INO80: variants seen among roughly 807,000 people sequenced by gnomAD.
INO80 encodes the protein chromatin-remodeling ATPase INO80.
INO80 carries 20 observed loss-of-function variants against 203.4 expected under a neutral mutation model. The observed-to-expected ratio is 0.10, with a 90% confidence interval of 0.07 to 0.14. The LOEUF (loss-of-function observed/expected upper bound fraction) is 0.14, where lower values mean the gene tolerates loss of function less well. INO80 is among the 10% of genes least tolerant of loss of function. INO80 has a pLI of 1.00. For synonymous variants in INO80, 726 were observed against 685.2 expected (o/e 1.06, Z -0.93); for missense variants, 1,419 against 1,914.4 (o/e 0.74, Z 4.83).
chr15:41,069,270 G>A (rs1043676018), intron 14 of INO80, among the ~76,000 whole-genome samples: 4 of 150,428 alleles, frequency 2.7e-5, no homozygotes, highest in South Asian at 2.1e-4. Flanking sequence ...CCGTTCAAGC[G>A]ATTCTCCTGC....
At chr15:40,989,827 C>G (rs1273445219) in intron 29 of INO80, among the ~76,000 whole-genome samples, 1 of 152,198 alleles carries the variant, frequency 6.6e-6, no homozygotes, top group African/African-American at 2.4e-5. Flanking sequence ...TCCCTTTAGT[C>G]AGATGGGTCT....
In INO80 at chr15:40,980,141, AC is replaced by A. The variant is rs1479120533; in HGVS notation, c.*81del. ...TCTGACTCAGGATGCAAGATGCTGC[AC>A]GGGGCAAGCCATCCAAAGACCACTG... is the stretch of plus-strand genomic sequence containing the variant. On this transcript the variant is annotated 3_prime_UTR_variant, in exon 36 of 36. Coordinates refer to ENST00000648947, the MANE Select transcript of INO80 (RefSeq NM_017553.3). The A allele has an allele frequency of 3.0e-5, 33 of 1,086,692 alleles. No individual in the cohort carries two copies. In the East Asian group the frequency reaches 6.2e-4, roughly 20 times the overall value. The allele number at this position is 1,086,692 out of a possible 1,614,324, so 67.3% of individuals were successfully genotyped here.
intron 21 of INO80, among the ~76,000 whole-genome samples, chr15:41,048,700 T>TA: frequency 6.6e-6 from 1 of 152,332 alleles, no homozygotes; most frequent in African/African-American, 2.4e-5. Context: ...AGTTTCTCTA[T>TA]AAAACAGCTT....
intron 5 of INO80, among the ~76,000 whole-genome samples, chr15:41,088,919 T>A (rs979063328): frequency 6.6e-6 from 1 of 152,074 alleles, no homozygotes; most frequent in African/African-American, 2.4e-5. Context: ...CTGGGCGCCA[T>A]GGCTCATGCC....
In INO80 at chr15:40,980,932, TCTC is replaced by T. The variant is rs563465686; in HGVS notation, c.4454-495_4454-493del. Among the ~76,000 whole-genome samples the T allele has an allele frequency of 2.7e-3, 413 of 152,240 alleles. 3 individuals are homozygous for T. Among genetic ancestry groups the T allele is most frequent in the South Asian group, 0.013 (64 of 4,822 alleles). ...TATCCTGTGTCTATATTCATACAGTTCTCCTTGCGCTGGCAATGGCCACCCCTG... is the reference window on the plus strand; with the variant it reads ...TATCCTGTGTCTATATTCATACAGTTCTTGCGCTGGCAATGGCCACCCCTG... On this transcript the variant is annotated intron_variant, in intron 35 of 35. Coordinates refer to ENST00000648947, the MANE Select transcript of INO80 (RefSeq NM_017553.3).
intron 14 of INO80, among the ~76,000 whole-genome samples, chr15:41,069,029 G>A (rs2045269034): frequency 6.6e-6 from 1 of 152,164 alleles, no homozygotes. Flanking sequence ...GTGGCAGTTT[G>A]ACCACGAGTA....
At chr15:41,003,336 T>TTTC (rs1184906307) in intron 28 of INO80, among the ~76,000 whole-genome samples, 2 of 119,408 alleles carry the variant, frequency 1.7e-5, no homozygotes, top group Non-Finnish European at 3.5e-5. Context: ...TTTCTTTTCT[T>TTTC]TTTTTTTTTT....
Position 41,089,052 on chromosome 15 carries a change from T to C in INO80, c.538-1370A>G, listed in dbSNP as rs2045598762. ...AAAAATAAAAAAAATTAGCCAGGCA[T>C]GGTGGCAGGCTTCTGTAGTCCCAGC... On this transcript the variant is annotated intron_variant, in intron 5 of 35. Transcript: ENST00000648947. Among the ~76,000 whole-genome samples, 2 of 152,112 alleles carry C rather than the reference T, an allele frequency of 1.3e-5. 1 individual carries two copies. The highest frequency in any genetic ancestry group is 4.1e-4 in the South Asian group (2 of 4,834).
At chr15:40,988,608 G>T (rs944508724) in intron 29 of INO80, among the ~76,000 whole-genome samples, 5 of 151,996 alleles carry the variant, frequency 3.3e-5, no homozygotes, top group African/African-American at 1.2e-4. Context: ...GGTCAGCTGT[G>T]GTGGCTCACA....
chr15:41,092,236 T>C (rs976417714), intron 4 of INO80, 54 bp from the exon 5 acceptor site: 1 of 1,450,698 alleles, frequency 6.9e-7, no homozygotes, highest in Non-Finnish European at 9.4e-7. Context: ...ATCCCATTTA[T>C]AATCCAAGCA....
In INO80 at chr15:41,041,252, C is replaced by T. The variant is rs143464673; in HGVS notation, c.2907+3652G>A. Among the ~76,000 whole-genome samples, 701 of 151,928 alleles carry T rather than the reference C, an allele frequency of 4.6e-3. 3 individuals are homozygous for T. The highest frequency in any genetic ancestry group is 7.1e-3 in the Non-Finnish European group (484 of 67,960). On this transcript the variant is annotated intron_variant, in intron 24 of 35. Coordinates refer to ENST00000648947, the MANE Select transcript of INO80 (RefSeq NM_017553.3). Reference sequence around the variant, plus strand: ...TACAGGTACACGGCATCATGCTTGGCTAATTTTTGTATTTTTCTGGTAGAG... The same window carrying T: ...TACAGGTACACGGCATCATGCTTGGTTAATTTTTGTATTTTTCTGGTAGAG...
At chr15:41,085,251 G>T (rs2045543621) in intron 7 of INO80, 118 bp downstream of exon 7, 2 of 859,212 alleles carry the variant, frequency 2.3e-6, no homozygotes, top group Non-Finnish European at 3.8e-6. Context: ...GATTCCAACA[G>T]ATTAGTTTCT....
Position 41,085,434 on chromosome 15 carries a change from T to C in INO80, c.808A>G (p.Ile270Val). The C allele has an allele frequency of 6.2e-7, 1 of 1,614,238 alleles. No individual in the cohort carries two copies. Among genetic ancestry groups the C allele is most frequent in the Non-Finnish European group, 8.5e-7 (1 of 1,180,046 alleles). The change falls in exon 7 of 36, where the codon ATT (isoleucine) becomes GTT (valine). Residue 270 changes from isoleucine to valine, a missense_variant. Transcript: ENST00000648947. ...PPGTKKKHLS[I>V]EQLNARRRKV... ...CTGCGACGAGCATTCAGCTGCTCAA[T>C]GGATAAGTGCTTTTTCTTAGTGCCA...
intron 21 of INO80, among the ~76,000 whole-genome samples, chr15:41,048,732 T>C (rs532163629): frequency 6.6e-6 from 1 of 152,304 alleles, no homozygotes; most frequent in South Asian, 2.1e-4. Context: ...GGTTCTCAAA[T>C]GTTGATATGC....
rs148070350 is a variant in INO80 at position 40,982,956 on chromosome 15, C to T, written c.4359G>A (p.Thr1453=). 3.9e-5 allele frequency: 63 copies of T among 1,614,066 alleles called. No individual in the cohort carries two copies. Among genetic ancestry groups the T allele is most frequent in the Admixed American group, 1.8e-4 (11 of 60,004 alleles). ...CTGCCATTGCAGCAGCACTGCCTGC[C>T]GTGGACTTTCGGCTCCGGCCCTTCC... ...GAGKGRSRKS[T]AGSAAAMAGA... Residue 1453 remains threonine, a synonymous_variant, in exon 35 of 36, where the codon ACG becomes ACA. Transcript: ENST00000648947.
chr15:41,043,890 G>T (rs2044709349), intron 24 of INO80, among the ~76,000 whole-genome samples: 1 of 152,050 alleles, frequency 6.6e-6, no homozygotes, highest in Non-Finnish European at 1.5e-5. Flanking sequence ...TAAGGGCCAA[G>T]AATTATATGA....
At chr15:41,079,566 A>G (rs902277945) in intron 9 of INO80, 135 bp downstream of exon 9, 2 of 809,384 alleles carry the variant, frequency 2.5e-6, no homozygotes, top group African/African-American at 1.8e-5. Flanking sequence ...GAGAAACCGC[A>G]TCTCTACCAA....
At chr15:41,088,452 C>T (rs910110588) in intron 5 of INO80, among the ~76,000 whole-genome samples, 1 of 152,064 alleles carries the variant, frequency 6.6e-6, no homozygotes, top group South Asian at 2.1e-4. Flanking sequence ...CAAATAGTCA[C>T]CAGTCATCCC....
At chr15:41,055,475 C>T in intron 17 of INO80, 111 bp from the exon 18 acceptor site, 1 of 492,742 alleles carries the variant, frequency 2.0e-6, no homozygotes, top group South Asian at 3.7e-5. Flanking sequence ...TGCCTAGATG[C>T]ATGTGTATGT....
Sources: allele counts gnomAD v4.1 joint callset (sites outside exome capture counted in the v4.1 genomes callset), GRCh38; gene constraint gnomAD v4.1.1; transcripts MANE v1.5; gene names NCBI Gene and HGNC (gene_info 2026-07-23, HGNC 2026-07-21).